Variants in TENT2 observed in about 807,000 individuals in gnomAD.
The protein encoded by TENT2 is terminal nucleotidyltransferase 2.
TENT2 carries 44 observed loss-of-function variants against 72.2 expected under a neutral mutation model. The ratio of observed to expected loss-of-function variants is 0.61; its 90% CI spans 0.48 to 0.78. TENT2 has a LOEUF of 0.78. Ranked by LOEUF, TENT2 falls within the 30% of genes least tolerant of loss-of-function variation. TENT2 has a pLI of 0.00. For missense variants in TENT2, 541 were observed against 569.6 expected (o/e 0.95, Z 0.51); for synonymous variants, 212 against 192.5 (o/e 1.10, Z -0.84).
Position 79,681,996 on chromosome 5 carries a change from A to G in TENT2, c.1315A>G (p.Thr439Ala). The G allele has an allele frequency of 6.2e-7, 1 of 1,612,984 alleles. No homozygotes were observed. Among genetic ancestry groups the G allele is most frequent in the Non-Finnish European group, 8.5e-7 (1 of 1,179,560 alleles). ...TAACATTGCAGAACCTTTTGATGGA[A>G]CAAATACAGCCAGAGCAGTGCACGA... ...YICVEEPFDGTNTARAVHEKQ... is the reference protein window; with the variant it reads ...YICVEEPFDGANTARAVHEKQ... The change falls in exon 14 of 15, where the codon ACA becomes GCA. Residue 439 changes from threonine (T) to alanine (A), a missense_variant. Thr to Ala is a moderately conservative substitution (Grantham distance 58, BLOSUM62 0). Coordinates refer to ENST00000453514, the MANE Select transcript of TENT2 (RefSeq NM_001114394.3).
intron 4 of TENT2, among the ~76,000 whole-genome samples, chr5:79,628,940 C>T (rs1265204482): frequency 6.6e-6 from 1 of 152,166 alleles, no homozygotes; most frequent in Non-Finnish European, 1.5e-5. Context: ...ATTAGAAATA[C>T]ACAAAATAGA....
intron 4 of TENT2, among the ~76,000 whole-genome samples, chr5:79,639,517 G>A (rs551702086): frequency 6.6e-6 from 1 of 150,948 alleles, no homozygotes; most frequent in African/African-American, 2.4e-5. Flanking sequence ...GGGTTTTGTA[G>A]GACAAGTATT....
At chr5:79,637,534 C>G (rs1253207564) in intron 4 of TENT2, among the ~76,000 whole-genome samples, 1 of 152,146 alleles carries the variant, frequency 6.6e-6, no homozygotes, top group African/African-American at 2.4e-5. Flanking sequence ...TCAAGCGATC[C>G]TCCTGCTTCA....
intron 1 of TENT2, among the ~76,000 whole-genome samples, chr5:79,616,763 G>A (rs142986844): frequency 1.2e-3 from 180 of 152,178 alleles, no homozygotes; most frequent in African/African-American, 4.2e-3. Flanking sequence ...AAGACATAAG[G>A]GTCTGCTAAA....
rs1272085895 is a variant in TENT2, at chr5:79,688,046, ACT to A, written c.*2776_*2777del. Among the ~76,000 whole-genome samples the A allele has an allele frequency of 6.6e-6, 1 of 151,936 alleles. No homozygotes were observed. Among genetic ancestry groups the A allele is most frequent in the Admixed American group, 6.6e-5 (1 of 15,254 alleles). On this transcript the variant is annotated 3_prime_UTR_variant, in exon 15 of 15. Transcript: ENST00000453514. Reference sequence around the variant, plus strand: ...GGTTTAGTGAGCTGTGGAAGCCTTGACTCTGCTGTTTTCCCTCCTTATGCCCC... The same window carrying A: ...GGTTTAGTGAGCTGTGGAAGCCTTGACTGCTGTTTTCCCTCCTTATGCCCC...
rs1325302455 is a variant in TENT2, at chr5:79,687,757, A to G, written c.*2484A>G. 6.6e-6 allele frequency among the ~76,000 whole-genome samples: 1 copy of G among 152,228 alleles called. No homozygotes were observed. The highest frequency in any genetic ancestry group is 1.9e-4 in the East Asian group (1 of 5,202). On this transcript the variant is annotated 3_prime_UTR_variant, in exon 15 of 15. Coordinates refer to ENST00000453514, the MANE Select transcript of TENT2 (RefSeq NM_001114394.3). Reference sequence around the variant, plus strand: ...TGTTAAAGTGGTGTTTAAAATGTGCAATCTGTACTACAATTCTAAATTTTG... The same window carrying G: ...TGTTAAAGTGGTGTTTAAAATGTGCGATCTGTACTACAATTCTAAATTTTG...
intron 3 of TENT2, among the ~76,000 whole-genome samples, chr5:79,622,970 A>T (rs919101962): frequency 6.6e-6 from 1 of 152,104 alleles, no homozygotes; most frequent in African/African-American, 2.4e-5. Context: ...AGTTTTCACT[A>T]CTGAGATGAA....
chr5:79,661,886 C>T (rs1056943968), intron 11 of TENT2, among the ~76,000 whole-genome samples: 1 of 152,192 alleles, frequency 6.6e-6, no homozygotes, highest in Non-Finnish European at 1.5e-5. Flanking sequence ...GTAGAACGTC[C>T]TTTAAAATTG....
At chr5:79,683,903 G>A (rs1348193758) in intron 14 of TENT2, among the ~76,000 whole-genome samples, 4 of 111,532 alleles carry the variant, frequency 3.6e-5, no homozygotes, top group Non-Finnish European at 5.0e-5. Flanking sequence ...CAGCCTGGGC[G>A]ACAGAGCGAG....
At chr5:79,618,152 A>AG (rs1458289646) in intron 1 of TENT2, among the ~76,000 whole-genome samples, 1 of 151,940 alleles carries the variant, frequency 6.6e-6, no homozygotes, top group Non-Finnish European at 1.5e-5. Context: ...CGTTCTTTCT[A>AG]ATACATTTCC....
intron 4 of TENT2, among the ~76,000 whole-genome samples, chr5:79,639,615 GAAAT>G (rs966878255): frequency 2.0e-5 from 3 of 152,016 alleles, no homozygotes; most frequent in African/African-American, 7.3e-5. Context: ...CATAGGGAAA[GAAAT>G]AACACCATTT....
rs1339611999 is a variant in TENT2 at position 79,685,188 on chromosome 5, T to G, written c.1381-11T>G. 2.5e-6 allele frequency: 4 copies of G among 1,590,772 alleles called. No homozygotes were observed. Among genetic ancestry groups the G allele is most frequent in the Non-Finnish European group, 3.4e-6 (4 of 1,166,932 alleles). The stretch of plus-strand genomic sequence containing the variant: ...TTTAGGTTTTAAGAATGATTTTTCT[T>G]TCTCTCCCAGTCATGGCACAGATTG... On this transcript the variant is annotated splice_polypyrimidine_tract_variant and intron_variant, in intron 14 of 14. Coordinates refer to ENST00000453514, the MANE Select transcript of TENT2 (RefSeq NM_001114394.3).
In TENT2 at chr5:79,649,205, G is replaced by C; in HGVS notation, c.1027+15G>C. The C allele has an allele frequency of 6.2e-7, 1 of 1,603,754 alleles. No individual in the cohort carries two copies. The highest frequency in any genetic ancestry group is 8.5e-7 in the Non-Finnish European group (1 of 1,173,270). On this transcript the variant is annotated intron_variant, in intron 10 of 14. Coordinates refer to ENST00000453514, the MANE Select transcript of TENT2 (RefSeq NM_001114394.3). ...CTATTTACAAAGTAAGTATAATGGG[G>C]TTTTACCCAATTTTTAAAAGTAAAA... is the stretch of plus-strand genomic sequence containing the variant.
chr5:79,641,800 G>T, intron 6 of TENT2, among the ~76,000 whole-genome samples: 1 of 150,524 alleles, frequency 6.6e-6, no homozygotes, highest in African/African-American at 2.4e-5. Flanking sequence ...AGAGTTTTTT[G>T]GATTGTAGAT....
chr5:79,640,839 G>T lies in TENT2; in HGVS notation c.466-12G>T. 1.3e-6 allele frequency: 2 copies of T among 1,555,732 alleles called. No individual in the cohort carries two copies. Among genetic ancestry groups the T allele is most frequent in the South Asian group, 1.2e-5 (1 of 84,416 alleles). On this transcript the variant is annotated splice_polypyrimidine_tract_variant and intron_variant, in intron 4 of 14. Coordinates refer to ENST00000453514, the MANE Select transcript of TENT2 (RefSeq NM_001114394.3). ...GAACAAAACTTTTACTTTTTTTTGCGGTGGATTCAAGTTGAGTCAGCAGAT... is the reference window on the plus strand; with the variant it reads ...GAACAAAACTTTTACTTTTTTTTGCTGTGGATTCAAGTTGAGTCAGCAGAT...
chr5:79,679,494 G>A lies in TENT2; in HGVS notation c.1209-85G>A, dbSNP rs529686456. 5.0e-5 allele frequency: 41 copies of A among 825,882 alleles called. No homozygotes were observed. In the South Asian group the frequency reaches 7.4e-4, roughly 15 times the overall value. The allele number at this position is 825,882 out of a possible 1,614,324, so 51.2% of individuals were successfully genotyped here. On this transcript the variant is annotated intron_variant, in intron 12 of 14. Transcript: ENST00000453514. ...TTTCAGTGTTCCACAAGAAAATTGG[G>A]GTAGGCCTTAGTATTGATACAATAA...
At chr5:79,667,387 G>C (rs111241552) in intron 11 of TENT2, among the ~76,000 whole-genome samples, 2 of 152,146 alleles carry the variant, frequency 1.3e-5, no homozygotes, top group African/African-American at 4.8e-5. Context: ...TTTAAATATT[G>C]TCACCCTAAG....
At chr5:79,643,358 G>GTAT (rs1400832127) in intron 7 of TENT2, among the ~76,000 whole-genome samples, 1 of 152,118 alleles carries the variant, frequency 6.6e-6, no homozygotes, top group Non-Finnish European at 1.5e-5. Flanking sequence ...AGACCTAAAT[G>GTAT]TATTACTTCA....
chr5:79,619,965 A>T (rs753513500), intron 2 of TENT2, 29 bp from the exon 3 acceptor site: 88 of 1,528,108 alleles, frequency 5.8e-5, no homozygotes, highest in Non-Finnish European at 7.1e-5. Flanking sequence ...ATATGTATAA[A>T]TTACTGTTCT....
Sources: gnomAD v4.1 joint callset for allele counts (sites outside exome capture counted in the v4.1 genomes callset) on GRCh38, gnomAD v4.1.1 for gene constraint, MANE v1.5 for transcripts, NCBI Gene and HGNC (gene_info 2026-07-23, HGNC 2026-07-21) for gene names.